Variants in ABCC1 observed in about 807,000 individuals in gnomAD.
The protein encoded by ABCC1 is multidrug resistance-associated protein 1.
ABCC1 carries 83 observed loss-of-function variants against 172.9 expected under a neutral mutation model. The ratio of observed to expected loss-of-function variants is 0.48; its 90% confidence interval spans 0.40 to 0.58. The LOEUF (loss-of-function observed/expected upper bound fraction) is 0.58, where lower values mean the gene tolerates loss of function less well. Ranked by LOEUF, ABCC1 falls within the 20% of genes least tolerant of loss-of-function variation. The pLI, the probability that ABCC1 is intolerant of heterozygous loss-of-function variation, is 0.00. For missense variants in ABCC1, 1,817 were observed against 2,002.7 expected, an observed-to-expected ratio of 0.91 and a Z score of 1.77; for synonymous variants, 937 against 825.2, an observed-to-expected ratio of 1.14 and a Z score of -2.32.
intron 3 of ABCC1, among the ~76,000 whole-genome samples, chr16:16,013,176 T>A (rs1183387209): frequency 6.6e-6 from 1 of 152,064 alleles, no homozygotes; most frequent in Non-Finnish European, 1.5e-5. Context: ...GACCACCAGC[T>A]CAGCTGTGAA....
At chr16:15,993,138 G>A (rs567081169) in intron 1 of ABCC1, among the ~76,000 whole-genome samples, 9 of 152,306 alleles carry the variant, frequency 5.9e-5, no homozygotes, top group African/African-American at 2.2e-4. Context: ...AGTCTTAAGA[G>A]GACAGAGATA....
rs990728498 is a variant in ABCC1 at position 16,124,777 on chromosome 16, G to A, written c.3591-12G>A. ...TCCATGCCTGTTTGTCTGCCTGTGT[G>A]TCTTGGCGCAGGTGGCTGGCCGTGC... On this transcript the variant is annotated splice_polypyrimidine_tract_variant and intron_variant, in intron 24 of 30. Transcript: ENST00000399410. The A allele has an allele frequency of 4.3e-6, 7 of 1,613,906 alleles. No homozygotes were observed. The highest frequency in any genetic ancestry group is 1.7e-5 in the Admixed American group (1 of 60,006).
chr16:16,047,709 C>G (rs35590), intron 9 of ABCC1, among the ~76,000 whole-genome samples: 49,976 of 150,960 alleles, frequency 0.33, 9,306 homozygotes, highest in African/African-American at 0.52. Flanking sequence ...CCCTGGCCCA[C>G]ACCCTCAGTC....
chr16:16,033,222 A>G, intron 6 of ABCC1, 52 bp downstream of exon 6: 2 of 1,536,154 alleles, frequency 1.3e-6, no homozygotes, highest in Non-Finnish European at 1.8e-6. Flanking sequence ...TGAATGAATG[A>G]ATGAATGAAC....
chr16:15,991,359 G>C (rs45531836), intron 1 of ABCC1, among the ~76,000 whole-genome samples: 2,417 of 151,926 alleles, frequency 0.016, 71 homozygotes, highest in African/African-American at 0.056. Context: ...TTAATTTTCC[G>C]TTGGCAAAAC....
In ABCC1 at chr16:16,141,824, C is replaced by T. The variant is rs3743527; in HGVS notation, c.*543C>T. ...GGGCCTGGAGAAAATCATTTTCTCC[C>T]CTTGGCAGTGTCCCAGGGCCCTGGA... On this transcript the variant is annotated 3_prime_UTR_variant, in exon 31 of 31. Transcript: ENST00000399410. The T allele has an allele frequency of 0.21, 33,149 of 154,262 alleles. 4,053 individuals are homozygous for T. The highest frequency in any genetic ancestry group is 0.45 in the South Asian group (2,192 of 4,856). 9.6% of individuals were successfully genotyped at this position (154,262 alleles called of 1,614,324 possible). A position where few individuals can be genotyped will look rare whatever the true frequency, so the allele number is the denominator to read the frequency against.
rs574552288 is a variant in ABCC1 at position 16,005,803 on chromosome 16, C to CA, written c.49-2005dup. Among the ~76,000 whole-genome samples the CA allele has an allele frequency of 5.3e-5, 8 of 151,398 alleles. No homozygotes were observed. In the East Asian group the frequency reaches 1.6e-3, roughly 30 times the overall value. ...TAAAACCTTGTCTTTACTAAAAATTCAAAAAAAATTAGCCAAGCGGGGTGA... is the reference window on the plus strand; with the variant it reads ...TAAAACCTTGTCTTTACTAAAAATTCAAAAAAAAATTAGCCAAGCGGGGTGA... On this transcript the variant is annotated intron_variant, in intron 1 of 30. Transcript: ENST00000399410.
rs375680681 is a variant in ABCC1, at chr16:16,141,332, C to T, written c.*51C>T. ...GAACTGCAGGGCCTATATGCCAGCG[C>T]CCAGGGAGGAGTCAGTACCCCTGGT... On this transcript the variant is annotated 3_prime_UTR_variant, in exon 31 of 31. Transcript: ENST00000399410. 1.3e-5 allele frequency: 20 copies of T among 1,555,832 alleles called. No individual in the cohort carries two copies. The Admixed American group carries it at 1.5e-4, about 12-fold the overall frequency.
Position 16,101,911 on chromosome 16 carries a change from C to A in ABCC1, c.2645-716C>A, listed in dbSNP as rs139559696. On this transcript the variant is annotated intron_variant, in intron 19 of 30. Transcript: ENST00000399410. ...GTCCCTTGGTGTCCTTATCAGTGTC[C>A]TTCCTAATTCTGCAACCAAGGCATC... 1.2e-4 allele frequency among the ~76,000 whole-genome samples: 19 copies of A among 152,342 alleles called. No individual in the cohort carries two copies. The East Asian group carries it at 3.7e-3, about 29-fold the overall frequency.
At chr16:16,047,524 T>C (rs1169186667) in intron 9 of ABCC1, among the ~76,000 whole-genome samples, 2 of 152,020 alleles carry the variant, frequency 1.3e-5, no homozygotes, top group African/African-American at 2.4e-5. Context: ...AGGGACATTT[T>C]CCCCCACCAG....
At chr16:15,970,452 A>G (rs1437353305) in intron 1 of ABCC1, among the ~76,000 whole-genome samples, 1 of 152,210 alleles carries the variant, frequency 6.6e-6, no homozygotes, top group African/African-American at 2.4e-5. Flanking sequence ...TGAAGATGTT[A>G]CTCAGGGATG....
At chr16:15,998,083 A>G (rs2053961746) in intron 1 of ABCC1, among the ~76,000 whole-genome samples, 1 of 150,964 alleles carries the variant, frequency 6.6e-6, no homozygotes, top group Admixed American at 6.6e-5. Flanking sequence ...CAGCCTCCCA[A>G]AGTGCTGGGA....
At chr16:16,089,233 C>T (rs756379193) in intron 18 of ABCC1, among the ~76,000 whole-genome samples, 14 of 152,162 alleles carry the variant, frequency 9.2e-5, no homozygotes, top group African/African-American at 2.4e-4. Flanking sequence ...TGGCTGACAG[C>T]GGGAGTTGTT....
rs1348186735 is a variant in ABCC1 at position 16,084,637 on chromosome 16, T to G, written c.2292+1095T>G. On this transcript the variant is annotated intron_variant, in intron 17 of 30. Transcript: ENST00000399410. ...CCTCAGCCTCTCAAAGTTCTTTTTT[T>G]TTTTTTGAAATGGAGTCTCTCTCTG... 1.3e-5 allele frequency among the ~76,000 whole-genome samples: 2 copies of G among 150,514 alleles called. 1 individual carries two copies. The highest frequency in any genetic ancestry group is 4.9e-5 in the African/African-American group (2 of 40,760).
chr16:16,050,545 G>T (rs1165047585), intron 10 of ABCC1, among the ~76,000 whole-genome samples: 2 of 151,746 alleles, frequency 1.3e-5, no homozygotes, highest in African/African-American at 4.8e-5. Context: ...AGCAGAAGGT[G>T]AGTAAAGTGT....
At chr16:16,030,482 G>A (rs1436896807) in intron 5 of ABCC1, among the ~76,000 whole-genome samples, 2 of 152,072 alleles carry the variant, frequency 1.3e-5, no homozygotes, top group South Asian at 2.1e-4. Context: ...CCAAGATCAC[G>A]CCACTGGACT....
intron 27 of ABCC1, among the ~76,000 whole-genome samples, chr16:16,133,732 C>T (rs150530): frequency 0.16 from 23,954 of 152,086 alleles, 1,944 homozygotes; most frequent in East Asian, 0.23. Flanking sequence ...GCTTATCTCA[C>T]GTCATGAGAA....
chr16:16,013,353 C>A (rs1418968257), intron 3 of ABCC1, among the ~76,000 whole-genome samples: 1 of 151,914 alleles, frequency 6.6e-6, no homozygotes, highest in Non-Finnish European at 1.5e-5. Context: ...TCAGTGTAGC[C>A]TCCGCCTCCC....
chr16:16,069,582 T>C (rs1268525770), intron 13 of ABCC1, among the ~76,000 whole-genome samples: 1 of 151,968 alleles, frequency 6.6e-6, no homozygotes, highest in Admixed American at 6.6e-5. Context: ...TTTAACTACA[T>C]AGGCAAATCA....
Sources: allele counts gnomAD v4.1 joint callset (sites outside exome capture counted in the v4.1 genomes callset), GRCh38; gene constraint gnomAD v4.1.1; transcripts MANE v1.5; gene names NCBI Gene and HGNC (gene_info 2026-07-23, HGNC 2026-07-21).